FGG: variants seen among roughly 807,000 people sequenced by gnomAD.
FGG encodes the protein fibrinogen, gamma polypeptide.
FGG carries 20 observed loss-of-function variants against 51.7 expected under a neutral mutation model. The observed-to-expected ratio is 0.39, with a 90% CI of 0.27 to 0.56. The LOEUF (loss-of-function observed/expected upper bound fraction) is 0.56. Ranked by LOEUF, FGG falls within the 20% of genes least tolerant of loss-of-function variation. The probability of loss-of-function intolerance (pLI) is 0.64; values close to 1 mark genes in which losing one functional copy is unlikely to be tolerated. For synonymous variants in FGG, 184 were observed against 184.7 expected (o/e 1.00, Z 0.03); for missense variants, 460 against 534.2 (o/e 0.86, Z 1.37).
intron 4 of FGG, among the ~76,000 whole-genome samples, chr4:154,610,873 T>C (rs1479358168): frequency 6.6e-6 from 1 of 152,134 alleles, no homozygotes; most frequent in Non-Finnish European, 1.5e-5. Context: ...ACTTACAGGG[T>C]GGCTTGCAAA....
intron 8 of FGG, 118 bp from the exon 9 acceptor site, chr4:154,605,184 C>T: frequency 1.1e-6 from 1 of 945,258 alleles, no homozygotes; most frequent in Admixed American, 2.4e-5. Flanking sequence ...ATAGTATTAT[C>T]TGCTAACTGA....
chr4:154,608,457 A>G lies in FGG; in HGVS notation c.851+9T>C, dbSNP rs758242904. ...CAATAAAAAGTTGGAAGTCATTTCAAAACAGTACCTGGTTCTGCCATTCCA... is the reference window on the plus strand; with the variant it reads ...CAATAAAAAGTTGGAAGTCATTTCAGAACAGTACCTGGTTCTGCCATTCCA... On this transcript the variant is annotated intron_variant, in intron 7 of 8. Transcript: ENST00000336098. The G allele has an allele frequency of 6.2e-7, 1 of 1,612,556 alleles. No homozygotes were observed. The highest frequency in any genetic ancestry group is 1.1e-5 in the South Asian group (1 of 90,968).
In FGG at chr4:154,612,539, C is replaced by A. The variant is rs935208113; in HGVS notation, c.71G>T (p.Cys24Phe). The A allele has an allele frequency of 5.6e-6, 9 of 1,613,884 alleles. No homozygotes were observed. The African/African-American group carries it at 1.2e-4, about 22-fold the overall frequency. ...TGTGAAGAGCACACTTACTGCTACACATGTTGAAGAGAGAAATAAAAGAGC... is the reference window on the plus strand; with the variant it reads ...TGTGAAGAGCACACTTACTGCTACAAATGTTGAAGAGAGAAATAAAAGAGC... ...FYALLFLSST[C>F]VAYVATRDNC... is the part of the protein sequence containing the mutation. The change falls in exon 1 of 9, where the codon TGT becomes TTT. Residue 24 changes from cysteine to phenylalanine, a missense_variant. Physicochemically the swap from Cys to Phe is radical, Grantham distance 205 (BLOSUM62 -2). Transcript: ENST00000336098.
chr4:154,607,730 T>C (rs892022917), intron 7 of FGG, among the ~76,000 whole-genome samples: 1 of 152,186 alleles, frequency 6.6e-6, no homozygotes, highest in African/African-American at 2.4e-5. Context: ...GAAGAAGGTC[T>C]ACTGACTATA....
At chr4:154,605,479 G>A (rs778827888) in intron 8 of FGG, among the ~76,000 whole-genome samples, 4 of 152,148 alleles carry the variant, frequency 2.6e-5, no homozygotes, top group Non-Finnish European at 4.4e-5. Flanking sequence ...GGTTGATTGA[G>A]GAGCTTTAGG....
intron 5 of FGG, 58 bp downstream of exon 5, chr4:154,610,009 T>C (rs767287909): frequency 6.2e-7 from 1 of 1,606,864 alleles, no homozygotes; most frequent in Non-Finnish European, 8.5e-7. Context: ...GTACATACTT[T>C]CTCCTTTACA....
At chr4:154,610,242 A>C (rs2110847751) in intron 4 of FGG, 45 bp from the exon 5 acceptor site, 1 of 1,434,268 alleles carries the variant, frequency 7.0e-7, no homozygotes, top group East Asian at 2.3e-5. Flanking sequence ...AGACAAAAAT[A>C]AGTATTCCTT....
chr4:154,611,697 G>A (rs540848873), intron 4 of FGG, 108 bp downstream of exon 4: 2 of 741,990 alleles, frequency 2.7e-6, no homozygotes, highest in Non-Finnish European at 2.2e-6. Flanking sequence ...ATGTCACTGG[G>A]ATATTATAAA....
intron 5 of FGG, 55 bp from the exon 6 acceptor site, chr4:154,609,818 C>T: frequency 6.2e-7 from 1 of 1,613,206 alleles, no homozygotes; most frequent in Non-Finnish European, 8.5e-7. Context: ...AAGACTGTGC[C>T]AGCCTTGAAA....
chr4:154,609,053 G>T (rs1731153706), intron 6 of FGG, among the ~76,000 whole-genome samples: 1 of 152,134 alleles, frequency 6.6e-6, no homozygotes. Context: ...AGCGCCCCCT[G>T]TAGAAACAGT....
chr4:154,608,673 A>G, intron 6 of FGG, 23 bp from the exon 7 acceptor site: 1 of 1,597,872 alleles, frequency 6.3e-7, no homozygotes, highest in African/African-American at 1.3e-5. Flanking sequence ...TTGCAAGAGC[A>G]AAAGGAGAAA....
Position 154,612,148 on chromosome 4 carries a change from T to G in FGG, c.177A>C (p.Gln59His). The G allele has an allele frequency of 6.2e-7, 1 of 1,611,936 alleles. No homozygotes were observed. The highest frequency in any genetic ancestry group is 8.5e-7 in the Non-Finnish European group (1 of 1,179,164). Residue 59 changes from glutamine (Q) to histidine (H), a missense_variant, in exon 3 of 9, where the codon CAA becomes CAC. This residue lies in a region of FGG where 353 missense variants were observed against 391.7 expected (regional missense o/e 0.90). Coordinates refer to ENST00000336098, the MANE Select transcript of FGG (RefSeq NM_021870.3). ...ACTGTAGATCCTTGTCTACTTTGGT[T>G]TGATAAGTAGACAGGAAATCTGCAA... ...CGIADFLSTY[Q>H]TKVDKDLQSL... is the part of the protein sequence containing the mutation.
In FGG at chr4:154,604,879, A is replaced by G; in HGVS notation, c.1317T>C (p.Pro439=). The change falls in exon 9 of 9, where the codon CCT becomes CCC. Residue 439 remains proline, a synonymous_variant. Transcript: ENST00000336098. The stretch of plus-strand genomic sequence containing the variant: ...AAAGTGAGTCATATTCTGTTTCCGC[A>G]GGGTGCTCTGGTCTGACCTGTTTGG... ...GGAKQVRPEH[P]AETEYDSLYP... The G allele has an allele frequency of 6.2e-7, 1 of 1,614,086 alleles. No individual in the cohort carries two copies. Among genetic ancestry groups the G allele is most frequent in the East Asian group, 2.2e-5 (1 of 44,884 alleles).
At position 154,604,383 on chromosome 4, in the gene FGG, T is replaced by A; in HGVS notation, c.*451A>T. The A allele has an allele frequency of 6.8e-7, 1 of 1,476,714 alleles. No homozygotes were observed. The highest frequency in any genetic ancestry group is 9.0e-7 in the Non-Finnish European group (1 of 1,112,246). 91.5% of individuals were successfully genotyped at this position (1,476,714 alleles called of 1,614,324 possible). A position where few individuals can be genotyped will look rare whatever the true frequency, so the allele number is the denominator to read the frequency against. On this transcript the variant is annotated 3_prime_UTR_variant, in exon 9 of 9. Transcript: ENST00000336098. ...TGAATATATAACAAAACAAAAACCA[T>A]ATTAAAAAGACATAATTTTCTCCAT...
chr4:154,608,642 A>G lies in FGG; in HGVS notation c.675T>C (p.Asp225=), dbSNP rs746187614. ...NGWTVFQKRL[D]GSVDFKKNWI... is the part of the protein sequence containing the mutation. The stretch of plus-strand genomic sequence containing the variant: ...AGTTTTTCTTGAAATCTACACTGCC[A>G]TCAAGTCTCTAATTACACATTTGCA... The change falls in exon 7 of 9, where the codon GAT becomes GAC. Residue 225 remains aspartate, a synonymous_variant. Transcript: ENST00000336098. 8 of 1,611,422 alleles carry G rather than the reference A, an allele frequency of 5.0e-6. No homozygotes were observed. Among genetic ancestry groups the G allele is most frequent in the African/African-American group, 2.7e-5 (2 of 75,026 alleles).
At chr4:154,610,752 G>A (rs1731196332) in intron 4 of FGG, among the ~76,000 whole-genome samples, 1 of 152,062 alleles carries the variant, frequency 6.6e-6, no homozygotes, top group Non-Finnish European at 1.5e-5. Flanking sequence ...GATCTGGAAC[G>A]TTATTGTATG....
At position 154,606,943 on chromosome 4, in the gene FGG, A is replaced by G. The variant is rs757276594; in HGVS notation, c.891T>C (p.Ala297=). ...AGGCATATGTTAGGCGGTACTTGTC[A>G]GCTTCAGGTCCCACCTTGAACATGG... ...DYAMFKVGPE[A]DKYRLTYAYF... is the part of the protein sequence containing the mutation. Residue 297 remains alanine, a synonymous_variant, in exon 8 of 9, where the codon GCT becomes GCC. Transcript: ENST00000336098. 13 of 1,612,832 alleles carry G rather than the reference A, an allele frequency of 8.1e-6. No individual in the cohort carries two copies. The highest frequency in any genetic ancestry group is 1.0e-5 in the Non-Finnish European group (12 of 1,179,238).
intron 8 of FGG, 123 bp downstream of exon 8, chr4:154,606,580 AAG>A: frequency 8.7e-7 from 1 of 1,143,094 alleles, no homozygotes. Context: ...AGTTGAAATA[AAG>A]AACATGATAA....
At chr4:154,609,379 C>G (rs1358016367) in intron 6 of FGG, among the ~76,000 whole-genome samples, 1 of 152,134 alleles carries the variant, frequency 6.6e-6, no homozygotes, top group Non-Finnish European at 1.5e-5. Context: ...AAGTCACAAA[C>G]TCTGAAACTA....
Sources: allele counts gnomAD v4.1 joint callset (sites outside exome capture counted in the v4.1 genomes callset), GRCh38; gene constraint gnomAD v4.1.1; regional missense constraint gnomAD v4.1.1; transcripts MANE v1.5; gene names NCBI Gene and HGNC (gene_info 2026-07-23, HGNC 2026-07-21).